Variants in SRGAP3 observed in about 807,000 individuals in gnomAD.
SRGAP3 encodes the protein SLIT-ROBO Rho GTPase activating protein 3, also known as SLIT-ROBO Rho GTPase-activating protein 3.
A neutral mutation model predicts 121.1 loss-of-function variants in SRGAP3; 39 were observed. That is an observed-to-expected ratio of 0.32 (90% CI 0.25 to 0.42). The LOEUF (loss-of-function observed/expected upper bound fraction) is 0.42, where lower values mean the gene tolerates loss of function less well. Ranked by LOEUF, SRGAP3 falls within the 10% of genes least tolerant of loss-of-function variation. SRGAP3 has a pLI of 1.00. For synonymous variants in SRGAP3, 601 were observed against 570.0 expected (o/e 1.05, Z -0.77); for missense variants, 1,213 against 1,470.6 (o/e 0.82, Z 2.86).
At chr3:9,108,127 C>T (rs1948481550) in intron 2 of SRGAP3, among the ~76,000 whole-genome samples, 1 of 152,168 alleles carries the variant, frequency 6.6e-6, no homozygotes. Context: ...GACTGCCAGA[C>T]TAAGGGGGTG....
intron 1 of SRGAP3, among the ~76,000 whole-genome samples, chr3:9,176,172 G>A (rs917248935): frequency 1.7e-4 from 26 of 152,084 alleles, no homozygotes; most frequent in African/African-American, 3.6e-4. Context: ...CACCCGCCTC[G>A]GCCTCCTAAA....
At chr3:9,247,061 C>T (rs1184285188) in intron 1 of SRGAP3, among the ~76,000 whole-genome samples, 1 of 152,188 alleles carries the variant, frequency 6.6e-6, no homozygotes, top group Non-Finnish European at 1.5e-5. Flanking sequence ...AAGCACATTT[C>T]CTACCAAGAA....
intron 18 of SRGAP3, among the ~76,000 whole-genome samples, chr3:8,995,102 A>G (rs1164069025): frequency 6.6e-6 from 1 of 152,176 alleles, no homozygotes; most frequent in East Asian, 1.9e-4. Context: ...AGAGGCTTTA[A>G]TTAATGTAAA....
At chr3:9,083,858 T>C (rs750255437) in intron 3 of SRGAP3, among the ~76,000 whole-genome samples, 1 of 152,124 alleles carries the variant, frequency 6.6e-6, no homozygotes, top group African/African-American at 2.4e-5. Context: ...CCAGAAGCCA[T>C]GTCATCATCT....
intron 1 of SRGAP3, among the ~76,000 whole-genome samples, chr3:9,184,006 C>T (rs887794424): frequency 5.3e-5 from 8 of 152,150 alleles, no homozygotes; most frequent in African/African-American, 1.9e-4. Flanking sequence ...TTCTGAAAGG[C>T]TCTTTGTTGC....
chr3:9,303,520 T>C (rs1955104491), intron 3 of SRGAP3, among the ~76,000 whole-genome samples: 1 of 152,132 alleles, frequency 6.6e-6, no homozygotes. Context: ...ACTACACCTA[T>C]ATAGAGATCT....
chr3:9,321,046 A>C (rs1955430963), intron 3 of SRGAP3, among the ~76,000 whole-genome samples: 1 of 149,938 alleles, frequency 6.7e-6, no homozygotes, highest in Non-Finnish European at 1.5e-5. Flanking sequence ...ATGCTTTGTT[A>C]CTTCTACTTG....
At chr3:9,073,080 C>A (rs1387357234) in intron 4 of SRGAP3, among the ~76,000 whole-genome samples, 1 of 152,218 alleles carries the variant, frequency 6.6e-6, no homozygotes, top group Non-Finnish European at 1.5e-5. Flanking sequence ...TGTGTTTCAT[C>A]TGCTAATGTG....
At chr3:9,295,674 A>G (rs1954941511) in intron 3 of SRGAP3, among the ~76,000 whole-genome samples, 1 of 152,186 alleles carries the variant, frequency 6.6e-6, no homozygotes, top group Admixed American at 6.5e-5. Context: ...AACCATTTTT[A>G]AGTGTACAGT....
At chr3:9,351,591 G>C (rs1048107430) in intron 1 of SRGAP3, among the ~76,000 whole-genome samples, 1 of 152,146 alleles carries the variant, frequency 6.6e-6, no homozygotes, top group African/African-American at 2.4e-5. Flanking sequence ...CATGTGCTGC[G>C]TAACAAAGTT....
intron 1 of SRGAP3, among the ~76,000 whole-genome samples, chr3:9,358,055 A>G (rs2125297754): frequency 6.6e-6 from 1 of 152,184 alleles, no homozygotes; most frequent in South Asian, 2.1e-4. Context: ...TTGTATTTTT[A>G]GTAGAGACGG....
chr3:9,190,626 G>A (rs986634410), intron 1 of SRGAP3, among the ~76,000 whole-genome samples: 24 of 152,170 alleles, frequency 1.6e-4, no homozygotes, highest in African/African-American at 5.1e-4. Flanking sequence ...AACTGTTTTA[G>A]GGCACATTTC....
chr3:9,219,371 G>T (rs962657338), intron 1 of SRGAP3: 1 of 152,094 alleles, frequency 6.6e-6, no homozygotes, highest in Non-Finnish European at 1.5e-5. Flanking sequence ...GAGTTAGGAC[G>T]TATGCTGTGA....
chr3:9,071,949 G>A (rs548791735), intron 4 of SRGAP3, among the ~76,000 whole-genome samples: 5 of 152,334 alleles, frequency 3.3e-5, no homozygotes, highest in African/African-American at 1.2e-4. Flanking sequence ...AAATCAGTGT[G>A]TGAGCCCCTG....
intron 3 of SRGAP3, among the ~76,000 whole-genome samples, chr3:9,258,999 T>C (rs1016340495): frequency 5.9e-5 from 9 of 152,334 alleles, no homozygotes; most frequent in Admixed American, 2.6e-4. Flanking sequence ...GCCCACGGGA[T>C]TGGGCATCCG....
intron 3 of SRGAP3, among the ~76,000 whole-genome samples, chr3:9,266,810 C>A (rs539615672): frequency 1.1e-4 from 16 of 152,274 alleles, no homozygotes; most frequent in African/African-American, 2.6e-4. Context: ...CCTTACCAGG[C>A]CCCAATAAAT....
chr3:9,010,602 C>T (rs1315933456), intron 17 of SRGAP3, among the ~76,000 whole-genome samples: 2 of 152,124 alleles, frequency 1.3e-5, no homozygotes, highest in Non-Finnish European at 2.9e-5. Context: ...CAAATATCTC[C>T]CCCAGTGCCC....
intron 11 of SRGAP3, chr3:9,035,347 T>C (rs1449990877): frequency 6.0e-6 from 1 of 165,808 alleles, no homozygotes; most frequent in Non-Finnish European, 1.3e-5. Flanking sequence ...TAGCATATGT[T>C]TTCCCATTTT....
chr3:9,019,085 C>G (rs139826117), intron 14 of SRGAP3, among the ~76,000 whole-genome samples: 44 of 152,308 alleles, frequency 2.9e-4, no homozygotes, highest in African/African-American at 1.0e-3. Context: ...ACTTCATGGA[C>G]AGACCGTAAT....
Sources: allele counts gnomAD v4.1 joint callset (sites outside exome capture counted in the v4.1 genomes callset), GRCh38; gene constraint gnomAD v4.1.1; transcripts MANE v1.5; gene names NCBI Gene and HGNC (gene_info 2026-07-23, HGNC 2026-07-21).